Variants in CDH4 observed in about 807,000 individuals in gnomAD.
CDH4 encodes the protein cadherin 4, also known as cadherin-4.
In CDH4, 33 loss-of-function variants were observed where a neutral mutation model predicts 86.0. That is an observed-to-expected ratio of 0.38 (90% CI 0.29 to 0.51). The LOEUF is 0.51. CDH4 is among the 20% of genes least tolerant of loss of function. The pLI is 0.86. For synonymous variants in CDH4, 555 were observed against 549.4 expected (o/e 1.01, Z -0.14); for missense variants, 1,114 against 1,307.4 (o/e 0.85, Z 2.28).
chr20:61,649,561 G>A (rs536930247), intron 2 of CDH4, among the ~76,000 whole-genome samples: 68 of 152,302 alleles, frequency 4.5e-4, no homozygotes, highest in African/African-American at 1.6e-3. Context: ...TGGAGACAGG[G>A]AATCAAGGAG....
At position 61,342,954 on chromosome 20, in the gene CDH4, G is replaced by A. The variant is rs184667129; in HGVS notation, c.169+88017G>A. 3.9e-4 allele frequency among the ~76,000 whole-genome samples: 59 copies of A among 152,356 alleles called. 1 individual carries two copies. The East Asian group carries it at 0.011, about 29-fold the overall frequency. On this transcript the variant is annotated intron_variant, in intron 2 of 15. Transcript: ENST00000614565. ...AAAACAAAAACAAAAAGTAACATGA[G>A]CAACTGAAGCCTCTTGAATATGAAT...
intron 2 of CDH4, among the ~76,000 whole-genome samples, chr20:61,600,984 T>G (rs1288646280): frequency 6.6e-6 from 1 of 152,180 alleles, no homozygotes; most frequent in Admixed American, 6.5e-5. Context: ...GCACCTTGCC[T>G]GAGTGCCCTT....
intron 2 of CDH4, among the ~76,000 whole-genome samples, chr20:61,569,295 C>T (rs568438537): frequency 2.0e-5 from 3 of 152,286 alleles, no homozygotes; most frequent in South Asian, 2.1e-4. Context: ...CTCTGATTTT[C>T]ATCTCTTGTA....
At chr20:61,521,204 G>C (rs922872372) in intron 2 of CDH4, among the ~76,000 whole-genome samples, 1 of 152,128 alleles carries the variant, frequency 6.6e-6, no homozygotes, top group Non-Finnish European at 1.5e-5. Context: ...TGCAAGTCCC[G>C]CTGCTTCTGA....
At chr20:61,780,394 T>C (rs1033882881) in intron 4 of CDH4, among the ~76,000 whole-genome samples, 2 of 152,228 alleles carry the variant, frequency 1.3e-5, no homozygotes, top group Non-Finnish European at 2.9e-5. Flanking sequence ...CCACTTTGCC[T>C]GCTACTGTGG....
chr20:61,453,818 C>A (rs944016665), intron 2 of CDH4, among the ~76,000 whole-genome samples: 6 of 152,200 alleles, frequency 3.9e-5, no homozygotes, highest in Admixed American at 3.3e-4. Flanking sequence ...TGGGAGGGAC[C>A]CAGTGGGAGG....
intron 4 of CDH4, among the ~76,000 whole-genome samples, chr20:61,782,281 C>T (rs982802365): frequency 2.0e-5 from 3 of 152,096 alleles, no homozygotes; most frequent in African/African-American, 7.2e-5. Flanking sequence ...TGCACTGCAG[C>T]CTGGGTGACA....
intron 2 of CDH4, among the ~76,000 whole-genome samples, chr20:61,741,817 C>G (rs2088341909): frequency 6.6e-6 from 1 of 152,092 alleles, no homozygotes; most frequent in Non-Finnish European, 1.5e-5. Context: ...AGATGACAGG[C>G]AGGAGCCACC....
intron 2 of CDH4, among the ~76,000 whole-genome samples, chr20:61,349,517 C>T (rs1055547921): frequency 3.9e-5 from 6 of 152,200 alleles, no homozygotes; most frequent in Admixed American, 6.5e-5. Flanking sequence ...GAAGGGTGAG[C>T]GCAGAGCCAG....
chr20:61,610,706 C>T (rs1304852823), intron 2 of CDH4, among the ~76,000 whole-genome samples: 1 of 152,110 alleles, frequency 6.6e-6, no homozygotes, highest in African/African-American at 2.4e-5. Context: ...GTTCTTGATG[C>T]CTGTGGACAT....
intron 2 of CDH4, among the ~76,000 whole-genome samples, chr20:61,698,627 C>T (rs1042566630): frequency 2.0e-5 from 3 of 152,228 alleles, no homozygotes; most frequent in South Asian, 2.1e-4. Context: ...TAGGAGAATA[C>T]GCTAGAGCCT....
rs573898210 is a variant in CDH4 at position 61,288,219 on chromosome 20, C to T, written c.169+33282C>T. ...TTTCCCAGAAAAAAAAATCCCTTTT[C>T]ATGGGATTGGCTGTATTTTCTGAGT... On this transcript the variant is annotated intron_variant, in intron 2 of 15. Coordinates refer to ENST00000614565, the MANE Select transcript of CDH4 (RefSeq NM_001794.5). Among the ~76,000 whole-genome samples, 14 of 151,958 alleles carry T rather than the reference C, an allele frequency of 9.2e-5. No individual in the cohort carries two copies. The East Asian group carries it at 2.5e-3, about 27-fold the overall frequency.
chr20:61,295,248 G>A lies in CDH4; in HGVS notation c.169+40311G>A, dbSNP rs141392604. 8.3e-3 allele frequency among the ~76,000 whole-genome samples: 1,257 copies of A among 152,326 alleles called. 13 individuals are homozygous for A. Among genetic ancestry groups the A allele is most frequent in the African/African-American group, 0.029 (1,209 of 41,568 alleles). On this transcript the variant is annotated intron_variant, in intron 2 of 15. Coordinates refer to ENST00000614565, the MANE Select transcript of CDH4 (RefSeq NM_001794.5). ...TCCTGGAAAATTTTTTAATTTTGCT[G>A]AGGTTGGGACATGTTTACTGATGTT... is the stretch of plus-strand genomic sequence containing the variant.
chr20:61,828,913 T>C (rs1264683624), intron 4 of CDH4, among the ~76,000 whole-genome samples: 2 of 152,256 alleles, frequency 1.3e-5, no homozygotes, highest in Non-Finnish European at 2.9e-5. Flanking sequence ...GATGAAGCTG[T>C]TCCAGCTCAG....
intron 2 of CDH4, among the ~76,000 whole-genome samples, chr20:61,443,197 A>T (rs2085323420): frequency 6.6e-6 from 1 of 151,850 alleles, no homozygotes; most frequent in South Asian, 2.1e-4. Context: ...TTTAAATACC[A>T]CTCCCCTGCA....
intron 2 of CDH4, among the ~76,000 whole-genome samples, chr20:61,502,490 T>C (rs560823268): frequency 3.8e-4 from 58 of 152,202 alleles, no homozygotes; most frequent in Non-Finnish European, 6.5e-4. Flanking sequence ...AATACATAGC[T>C]AGAGATTATT....
At chr20:61,626,973 C>T (rs78459235) in intron 2 of CDH4, among the ~76,000 whole-genome samples, 3,099 of 152,246 alleles carry the variant, frequency 0.02, 81 homozygotes, top group African/African-American at 0.07. Context: ...GGAGGGCGGA[C>T]CCTACCCTGG....
chr20:61,528,389 G>A (rs1233516815), intron 2 of CDH4, among the ~76,000 whole-genome samples: 1 of 133,954 alleles, frequency 7.5e-6, no homozygotes, highest in Non-Finnish European at 1.6e-5. Context: ...AGAAAGATGA[G>A]AGGAGGGGAA....
In CDH4 at chr20:61,904,244, C is replaced by T. The variant is rs1329638972; in HGVS notation, c.1189-6178C>T. Among the ~76,000 whole-genome samples the T allele has an allele frequency of 3.9e-5, 6 of 152,274 alleles. No homozygotes were observed. In the East Asian group the frequency reaches 9.7e-4, roughly 25 times the overall value. ...AGCAACTCACTGGAAGGGGCGCAGG[C>T]GTGCCAGGGGCTGCGGCTCTCTCGT... On this transcript the variant is annotated intron_variant, in intron 8 of 15. Coordinates refer to ENST00000614565, the MANE Select transcript of CDH4 (RefSeq NM_001794.5).
Sources: allele counts gnomAD v4.1 joint callset (sites outside exome capture counted in the v4.1 genomes callset), GRCh38; gene constraint gnomAD v4.1.1; transcripts MANE v1.5; gene names NCBI Gene and HGNC (gene_info 2026-07-23, HGNC 2026-07-21).